Variants in MAFK observed in about 807,000 individuals in gnomAD.
MAFK encodes MAF bZIP transcription factor K, also known as transcription factor MafK.
A neutral mutation model predicts 9.2 loss-of-function variants in MAFK; 1 was observed. The observed-to-expected ratio is 0.11, with a 90% CI of 0.04 to 0.52. The LOEUF (loss-of-function observed/expected upper bound fraction) is 0.52. Ranked by LOEUF, MAFK falls within the 20% of genes least tolerant of loss-of-function variation. The probability of loss-of-function intolerance (pLI) is 0.94; values close to 1 mark genes in which losing one functional copy is unlikely to be tolerated. For missense variants in MAFK, 207 were observed against 236.0 expected (o/e 0.88, Z 0.81); for synonymous variants, 110 against 107.4 (o/e 1.02, Z -0.15).
chr7:1,540,410 CGG>C lies in MAFK; in HGVS notation c.*36_*37del. 4 of 185,236 alleles carry C rather than the reference CGG, an allele frequency of 2.2e-5. No individual in the cohort carries two copies. The highest frequency in any genetic ancestry group is 3.2e-5 in the Non-Finnish European group (3 of 92,852). The allele number at this position is 185,236 out of a possible 1,614,324, so 11.5% of individuals were successfully genotyped here. A position where few individuals can be genotyped will look rare whatever the true frequency, so the allele number is the denominator to read the frequency against. ...GGGGCGGGGGGTGGCGGGCGGCGGGCGGCGGGCAGGCGGGTGGGGGCACACCC... is the reference window on the plus strand; with the variant it reads ...GGGGCGGGGGGTGGCGGGCGGCGGGCCGGGCAGGCGGGTGGGGGCACACCC... On this transcript the variant is annotated 3_prime_UTR_variant, in exon 3 of 3. Coordinates refer to ENST00000343242, the MANE Select transcript of MAFK (RefSeq NM_002360.4).
chr7:1,542,889 A>T lies in MAFK; in HGVS notation c.*2514A>T, dbSNP rs1440719569. 1 of 152,572 alleles carries T rather than the reference A, an allele frequency of 6.6e-6. No individual in the cohort carries two copies. The highest frequency in any genetic ancestry group is 1.5e-5 in the Non-Finnish European group (1 of 68,032). 9.5% of individuals were successfully genotyped at this position (152,572 alleles called of 1,614,324 possible). A position where few individuals can be genotyped will look rare whatever the true frequency, so the allele number is the denominator to read the frequency against. ...TTTATTTTTTGTGCTGCTTTTTATC[A>T]TGATATAAATTATTGAAAACAGATC... On this transcript the variant is annotated 3_prime_UTR_variant, in exon 3 of 3. Coordinates refer to ENST00000343242, the MANE Select transcript of MAFK (RefSeq NM_002360.4).
chr7:1,533,120 C>A (rs1319761036), intron 1 of MAFK, among the ~76,000 whole-genome samples: 1 of 152,212 alleles, frequency 6.6e-6, no homozygotes, highest in Admixed American at 6.5e-5. Context: ...ACATGCCCCA[C>A]CCCCCGACCA....
chr7:1,531,857 C>T (rs1382078146), intron 1 of MAFK, among the ~76,000 whole-genome samples: 4 of 152,206 alleles, frequency 2.6e-5, no homozygotes, highest in Admixed American at 2.0e-4. Context: ...TGTCCGTGTT[C>T]GCGGGGCCTC....
intron 1 of MAFK, among the ~76,000 whole-genome samples, chr7:1,531,949 A>G (rs528681031): frequency 6.6e-6 from 1 of 152,342 alleles, no homozygotes; most frequent in South Asian, 2.1e-4. Context: ...TGAGGCAGAA[A>G]TTAGATCCAC....
rs1355388753 is a variant in MAFK at position 1,539,146 on chromosome 7, C to T, written c.-44-3C>T. On this transcript the variant is annotated splice_region_variant and splice_polypyrimidine_tract_variant and intron_variant, in intron 1 of 2. Transcript: ENST00000343242. ...GGCTTCTCTGCTTGTCCATGTTTTCCAGCTACGAGTTCCAGGGAGCTCTGT... is the reference window on the plus strand; with the variant it reads ...GGCTTCTCTGCTTGTCCATGTTTTCTAGCTACGAGTTCCAGGGAGCTCTGT... The T allele has an allele frequency of 4.3e-6, 7 of 1,612,318 alleles. No homozygotes were observed. The African/African-American group carries it at 8.0e-5, about 18-fold the overall frequency.
chr7:1,533,920 A>G (rs943621993), intron 1 of MAFK, among the ~76,000 whole-genome samples: 1 of 151,774 alleles, frequency 6.6e-6, no homozygotes, highest in African/African-American at 2.4e-5. Flanking sequence ...GGACAGGAGG[A>G]TGGTGTGGTG....
At chr7:1,539,016 C>T in intron 1 of MAFK, 133 bp from the exon 2 acceptor site, 2 of 709,706 alleles carry the variant, frequency 2.8e-6, no homozygotes, top group Non-Finnish European at 4.9e-6. Flanking sequence ...CCGGATGGTG[C>T]CCCGTCTTGT....
At chr7:1,535,085 CTTTTT>C (rs59057812) in intron 1 of MAFK, among the ~76,000 whole-genome samples, 1 of 111,940 alleles carries the variant, frequency 8.9e-6, no homozygotes, top group Non-Finnish European at 1.7e-5. Flanking sequence ...ATTTAAAATT[CTTTTT>C]TTTTTTTTTT....
Position 1,540,511 on chromosome 7 carries a change from A to G in MAFK, c.*136A>G, listed in dbSNP as rs1362005438. On this transcript the variant is annotated 3_prime_UTR_variant, in exon 3 of 3. Transcript: ENST00000343242. ...CAGGCCCCTCGGGCGCAGGCAGCTC[A>G]CACCAGGAAGAGACTGTATTGCAGG... The G allele has an allele frequency of 8.9e-6, 8 of 895,792 alleles. No homozygotes were observed. Among genetic ancestry groups the G allele is most frequent in the Non-Finnish European group, 1.3e-5 (8 of 607,486 alleles). 55.5% of individuals were successfully genotyped at this position (895,792 alleles called of 1,614,324 possible).
intron 2 of MAFK, among the ~76,000 whole-genome samples, chr7:1,539,435 G>A (rs1406257057): frequency 6.6e-6 from 1 of 152,190 alleles, no homozygotes; most frequent in Non-Finnish European, 1.5e-5. Context: ...ATGACTCCCA[G>A]GCTGAGGGCG....
At chr7:1,536,197 A>G (rs1359864509) in intron 1 of MAFK, among the ~76,000 whole-genome samples, 2 of 152,168 alleles carry the variant, frequency 1.3e-5, no homozygotes, top group African/African-American at 4.8e-5. Context: ...GCGGAAACTC[A>G]GACCCGCCCA....
At chr7:1,539,580 C>CGCTTG (rs1784125812) in intron 2 of MAFK, among the ~76,000 whole-genome samples, 2 of 152,218 alleles carry the variant, frequency 1.3e-5, no homozygotes, top group African/African-American at 4.8e-5. Context: ...GCTCCCAAGG[C>CGCTTG]CCGAGCCCAC....
intron 1 of MAFK, among the ~76,000 whole-genome samples, chr7:1,531,849 T>G (rs1454411557): frequency 2.6e-5 from 4 of 152,200 alleles, no homozygotes; most frequent in African/African-American, 9.7e-5. Flanking sequence ...ACCGTGTGTG[T>G]CCGTGTTCGC....
chr7:1,539,207 C>G lies in MAFK; in HGVS notation c.15C>G (p.Pro5=). The G allele has an allele frequency of 1.2e-6, 2 of 1,612,200 alleles. No individual in the cohort carries two copies. The highest frequency in any genetic ancestry group is 1.7e-6 in the Non-Finnish European group (2 of 1,179,278). Reference sequence around the variant, plus strand: ...GTGCCCGGGTTATGACGACTAATCCCAAACCGAATAAGGCATTAAAGGTAA... The same window carrying G: ...GTGCCCGGGTTATGACGACTAATCCGAAACCGAATAAGGCATTAAAGGTAA... MTTN[P]KPNKALKVKK... The change falls in exon 2 of 3, where the codon CCC becomes CCG. Residue 5 remains proline, a synonymous_variant. Coordinates refer to ENST00000343242, the MANE Select transcript of MAFK (RefSeq NM_002360.4).
rs141632099 is a variant in MAFK, at chr7:1,532,150, C to G, written c.-45+1252C>G. On this transcript the variant is annotated intron_variant, in intron 1 of 2. Transcript: ENST00000343242. The surrounding 1 kb of genome is among the most constrained non-coding windows in gnomAD (Gnocchi z 4.5). Reference sequence around the variant, plus strand: ...TTCTCCAGGGTGGGCTGCCAGGTCTCTTTACTGGCACTGAGGTTTCACCGT... The same window carrying G: ...TTCTCCAGGGTGGGCTGCCAGGTCTGTTTACTGGCACTGAGGTTTCACCGT... Among the ~76,000 whole-genome samples the G allele has an allele frequency of 1.4e-3, 212 of 152,322 alleles. No homozygotes were observed. Among genetic ancestry groups the G allele is most frequent in the African/African-American group, 4.9e-3 (204 of 41,558 alleles).
intron 1 of MAFK, chr7:1,538,065 CTCGT>C (rs1382557728): frequency 5.8e-6 from 1 of 171,032 alleles, no homozygotes; most frequent in Non-Finnish European, 1.2e-5. Flanking sequence ...GCCTGCCGGC[CTCGT>C]GATGTCTGTG....
At position 1,535,085 on chromosome 7, in the gene MAFK, C is replaced by CTTTTTTTTTT. The variant is rs59057812; in HGVS notation, c.-44-4056_-44-4047dup. On this transcript the variant is annotated intron_variant, in intron 1 of 2. Coordinates refer to ENST00000343242, the MANE Select transcript of MAFK (RefSeq NM_002360.4). ...CCATCACAACTGGCTATTTAAAATT[C>CTTTTTTTTTT]TTTTTTTTTTTTTTTTTGTAGAGAT... is the stretch of plus-strand genomic sequence containing the variant. Among the ~76,000 whole-genome samples the CTTTTTTTTTT allele has an allele frequency of 2.9e-3, 322 of 111,924 alleles. 3 individuals are homozygous for CTTTTTTTTTT. The highest frequency in any genetic ancestry group is 4.7e-3 in the African/African-American group (130 of 27,448). The allele number at this position is 111,924 out of a possible 152,430, so 73.4% of individuals were successfully genotyped here.
At chr7:1,539,574 C>T (rs1028599515) in intron 2 of MAFK, among the ~76,000 whole-genome samples, 2 of 152,224 alleles carry the variant, frequency 1.3e-5, no homozygotes, top group Non-Finnish European at 2.9e-5. Flanking sequence ...GCTCCAGCTC[C>T]CAAGGCCCGA....
rs1177564662 is a variant in MAFK at position 1,534,213 on chromosome 7, G to A, written c.-45+3315G>A. 2.2e-6 allele frequency: 1 copy of A among 455,022 alleles called. No homozygotes were observed. The highest frequency in any genetic ancestry group is 2.4e-5 in the Admixed American group (1 of 42,542). The allele number at this position is 455,022 out of a possible 1,614,324, so 28.2% of individuals were successfully genotyped here. On this transcript the variant is annotated intron_variant, in intron 1 of 2. Coordinates refer to ENST00000343242, the MANE Select transcript of MAFK (RefSeq NM_002360.4). The surrounding 1 kb of genome is among the most constrained non-coding windows in gnomAD (Gnocchi z 4.3). Reference sequence around the variant, plus strand: ...CTGTGTCCGGGACAGCCGGACAGTGGGGGCCCTCGCAGTGTAGGACCTCAT... The same window carrying A: ...CTGTGTCCGGGACAGCCGGACAGTGAGGGCCCTCGCAGTGTAGGACCTCAT...
Sources: gnomAD v4.1 joint callset for allele counts (sites outside exome capture counted in the v4.1 genomes callset) on GRCh38, gnomAD v4.1.1 for gene constraint, Gnocchi (gnomAD v3.1) non-coding constraint, MANE v1.5 for transcripts, NCBI Gene and HGNC (gene_info 2026-07-23, HGNC 2026-07-21) for gene names.